NCAM2: variants seen among roughly 807,000 people sequenced by gnomAD.
NCAM2 encodes N-CAM-2.
In NCAM2, 30 loss-of-function variants were observed where a neutral mutation model predicts 98.1. The observed-to-expected ratio is 0.31, with a 90% confidence interval of 0.23 to 0.41. The LOEUF (loss-of-function observed/expected upper bound fraction) is 0.41, where lower values mean the gene tolerates loss of function less well. Among genes scored for constraint, NCAM2 ranks in the 10% least tolerant of loss-of-function variants. The probability of loss-of-function intolerance (pLI) is 1.00; values close to 1 mark genes in which losing one functional copy is unlikely to be tolerated. For synonymous variants in NCAM2, 368 were observed against 342.4 expected (o/e 1.07, Z -0.83); for missense variants, 867 against 1,005.8 (o/e 0.86, Z 1.87).
At chr21:21,508,031 A>G (rs1370083569) in intron 15 of NCAM2, among the ~76,000 whole-genome samples, 3 of 152,098 alleles carry the variant, frequency 2.0e-5, no homozygotes, top group African/African-American at 7.2e-5. Flanking sequence ...TACTTGCTCC[A>G]CTTGCCATTT....
chr21:21,426,655 A>G (rs1292836368), intron 11 of NCAM2, among the ~76,000 whole-genome samples: 1 of 152,158 alleles, frequency 6.6e-6, no homozygotes, highest in African/African-American at 2.4e-5. Context: ...CTGAAACTGG[A>G]TGAATAGGCT....
At chr21:21,108,178 C>A (rs1459940887) in intron 1 of NCAM2, among the ~76,000 whole-genome samples, 3 of 151,888 alleles carry the variant, frequency 2.0e-5, no homozygotes, top group Non-Finnish European at 4.4e-5. Flanking sequence ...AATTGTTCAA[C>A]CCAACCATAA....
intron 6 of NCAM2, among the ~76,000 whole-genome samples, chr21:21,324,930 GA>G (rs1420361187): frequency 6.6e-5 from 10 of 151,772 alleles, no homozygotes; most frequent in African/African-American, 2.2e-4. Context: ...TTGTATTATA[GA>G]AAAAACTGAT....
chr21:21,355,332 C>T (rs1227350750), intron 8 of NCAM2, among the ~76,000 whole-genome samples: 5 of 150,076 alleles, frequency 3.3e-5, no homozygotes, highest in East Asian at 2.0e-4. Context: ...CTACTCGGGA[C>T]GGGGCCGGGA....
At chr21:21,361,855 A>T (rs1181201057) in intron 8 of NCAM2, among the ~76,000 whole-genome samples, 1 of 152,090 alleles carries the variant, frequency 6.6e-6, no homozygotes, top group Non-Finnish European at 1.5e-5. Flanking sequence ...GCTTGAAAAC[A>T]TCTTTGGCTT....
intron 5 of NCAM2, among the ~76,000 whole-genome samples, chr21:21,317,296 C>G (rs2074250474): frequency 6.6e-6 from 1 of 152,164 alleles, no homozygotes; most frequent in African/African-American, 2.4e-5. Flanking sequence ...ATGAGTAGCA[C>G]CTAAGTCAAA....
At chr21:21,047,377 A>G (rs1411055656) in intron 1 of NCAM2, among the ~76,000 whole-genome samples, 2 of 152,196 alleles carry the variant, frequency 1.3e-5, no homozygotes, top group Non-Finnish European at 2.9e-5. Context: ...ATTAACCAGG[A>G]GGTGGCTAAT....
At chr21:21,234,109 G>A (rs750263475) in intron 1 of NCAM2, among the ~76,000 whole-genome samples, 10 of 151,726 alleles carry the variant, frequency 6.6e-5, no homozygotes, top group African/African-American at 2.4e-4. Flanking sequence ...ATTAGTGTAA[G>A]GAAAATTTAT....
intron 1 of NCAM2, chr21:21,210,737 A>T: frequency 1.0e-6 from 1 of 969,922 alleles, no homozygotes; most frequent in Non-Finnish European, 1.3e-6. Context: ...AGGAATGTCA[A>T]AATGTCATTG....
intron 12 of NCAM2, among the ~76,000 whole-genome samples, chr21:21,439,989 T>A (rs183456308): frequency 6.6e-6 from 1 of 152,326 alleles, no homozygotes; most frequent in East Asian, 1.9e-4. Flanking sequence ...ACTCATGGAA[T>A]ATGTGTAACT....
chr21:21,043,785 C>T (rs1162288862), intron 1 of NCAM2, among the ~76,000 whole-genome samples: 2 of 139,684 alleles, frequency 1.4e-5, no homozygotes, highest in Non-Finnish European at 3.0e-5. Flanking sequence ...ACCCGGGAGG[C>T]GGAGCTTACA....
intron 1 of NCAM2, among the ~76,000 whole-genome samples, chr21:21,276,020 TC>T (rs1306158794): frequency 1.3e-5 from 2 of 152,162 alleles, no homozygotes; most frequent in African/African-American, 2.4e-5. Context: ...TCCTAAATGT[TC>T]CTTGAACACT....
chr21:21,482,793 G>C (rs914373499), intron 15 of NCAM2, among the ~76,000 whole-genome samples: 7 of 150,440 alleles, frequency 4.7e-5, no homozygotes, highest in African/African-American at 1.7e-4. Flanking sequence ...TCTTATTAAA[G>C]ATGTACTTAT....
At chr21:21,319,462 G>A (rs1002417396) in intron 5 of NCAM2, among the ~76,000 whole-genome samples, 1 of 152,116 alleles carries the variant, frequency 6.6e-6, no homozygotes, top group African/African-American at 2.4e-5. Flanking sequence ...CCAACATGGT[G>A]AAACCCCATC....
At chr21:21,219,938 T>C (rs1024154920) in intron 1 of NCAM2, among the ~76,000 whole-genome samples, 1 of 152,064 alleles carries the variant, frequency 6.6e-6, no homozygotes, top group African/African-American at 2.4e-5. Context: ...CATAAAACAG[T>C]TAAACCAAAA....
chr21:21,270,230 G>T (rs1390352251), intron 1 of NCAM2, among the ~76,000 whole-genome samples: 1 of 152,106 alleles, frequency 6.6e-6, no homozygotes, highest in Admixed American at 6.6e-5. Flanking sequence ...TTTGGGATTA[G>T]CTGCCTCTTC....
intron 5 of NCAM2, among the ~76,000 whole-genome samples, chr21:21,323,693 A>G (rs1404912928): frequency 6.6e-6 from 1 of 152,200 alleles, no homozygotes; most frequent in Non-Finnish European, 1.5e-5. Flanking sequence ...CAGTTTTTGC[A>G]ATGTAATTAG....
rs2064626466 is a variant in NCAM2, at chr21:21,029,458, A to G, written c.55+30840A>G. On this transcript the variant is annotated intron_variant, in intron 1 of 17. Coordinates refer to ENST00000400546, the MANE Select transcript of NCAM2 (RefSeq NM_004540.5). ...CCTGCCAAACCTATGTCTGCGGTTA[A>G]CTTTTGAGGTTGTCAGTTGGAGACA... Among the ~76,000 whole-genome samples, 6 of 152,276 alleles carry G rather than the reference A, an allele frequency of 3.9e-5. No individual in the cohort carries two copies. In the South Asian group the frequency reaches 1.2e-3, roughly 32 times the overall value.
chr21:21,387,610 T>C (rs955576495), intron 9 of NCAM2, among the ~76,000 whole-genome samples: 18 of 152,214 alleles, frequency 1.2e-4, no homozygotes, highest in African/African-American at 4.1e-4. Context: ...AAACATTGGT[T>C]AATTCATTTA....
Sources: gnomAD v4.1 joint callset for allele counts (sites outside exome capture counted in the v4.1 genomes callset) on GRCh38, gnomAD v4.1.1 for gene constraint, MANE v1.5 for transcripts, NCBI Gene and HGNC (gene_info 2026-07-23, HGNC 2026-07-21) for gene names.